Variants in CPQ observed in about 807,000 individuals in gnomAD.
The protein encoded by CPQ is carboxypeptidase Q, also known as Ser-Met dipeptidase.
A neutral mutation model predicts 45.7 loss-of-function variants in CPQ; 37 were observed. That is an observed-to-expected ratio of 0.81 (90% CI 0.62 to 1.07). CPQ has a LOEUF of 1.07. CPQ is among the 50% of genes least tolerant of loss of function. The pLI is 0.00. For synonymous variants in CPQ, 186 were observed against 205.8 expected, an observed-to-expected ratio of 0.90 and a Z score of 0.82; for missense variants, 537 against 572.9, an observed-to-expected ratio of 0.94 and a Z score of 0.64.
chr8:96,864,181 T>C (rs1296361227), intron 3 of CPQ, among the ~76,000 whole-genome samples: 1 of 152,008 alleles, frequency 6.6e-6, no homozygotes, highest in Non-Finnish European at 1.5e-5. Context: ...TCTCACTTCC[T>C]AACTGGCTTA....
rs78076068 is a variant in CPQ, at chr8:97,137,154, C to T, written c.1256-5866C>T. Among the ~76,000 whole-genome samples the T allele has an allele frequency of 2.0e-5, 3 of 152,230 alleles. No homozygotes were observed. The East Asian group carries it at 5.8e-4, about 29-fold the overall frequency. On this transcript the variant is annotated intron_variant, in intron 7 of 7. Transcript: ENST00000220763. ...ACTTAGATGATATCTGAGGAAATGC[C>T]TTCTTCAAGTCACTAGTTCTAAAGG...
At chr8:96,672,670 C>T (rs532137038) in intron 1 of CPQ, among the ~76,000 whole-genome samples, 53 of 151,924 alleles carry the variant, frequency 3.5e-4, no homozygotes, top group Admixed American at 1.1e-3. Flanking sequence ...CCTAGATACT[C>T]TGGAGGCTGA....
intron 1 of CPQ, among the ~76,000 whole-genome samples, chr8:96,664,040 G>A (rs532635024): frequency 6.6e-6 from 1 of 152,108 alleles, no homozygotes; most frequent in African/African-American, 2.4e-5. Flanking sequence ...GAACATCGAA[G>A]GTTATTATTA....
chr8:96,656,095 C>T (rs1815634455), intron 1 of CPQ, among the ~76,000 whole-genome samples: 1 of 152,188 alleles, frequency 6.6e-6, no homozygotes, highest in Non-Finnish European at 1.5e-5. Context: ...CTCAAGTGAT[C>T]TACTTACCTT....
chr8:97,096,645 G>A (rs1198272856), intron 7 of CPQ, among the ~76,000 whole-genome samples: 2 of 152,204 alleles, frequency 1.3e-5, no homozygotes, highest in Non-Finnish European at 2.9e-5. Context: ...GAGGATTGAA[G>A]AGTGCATGAG....
chr8:96,970,929 A>G (rs1813663860), intron 5 of CPQ, among the ~76,000 whole-genome samples: 1 of 152,204 alleles, frequency 6.6e-6, no homozygotes, highest in South Asian at 2.1e-4. Context: ...AGGAACACTC[A>G]TCCTCAGGAT....
intron 3 of CPQ, among the ~76,000 whole-genome samples, chr8:96,872,093 G>C (rs1812077868): frequency 6.6e-6 from 1 of 151,812 alleles, no homozygotes; most frequent in African/African-American, 2.4e-5. Flanking sequence ...AAATACTTGG[G>C]ATCAGAAATG....
chr8:96,719,168 A>C (rs1245263085), intron 1 of CPQ, among the ~76,000 whole-genome samples: 1 of 152,184 alleles, frequency 6.6e-6, no homozygotes, highest in Non-Finnish European at 1.5e-5. Flanking sequence ...CAGGCCACAC[A>C]GGAGCCCATG....
At chr8:96,952,508 A>G (rs1337558701) in intron 4 of CPQ, among the ~76,000 whole-genome samples, 2 of 152,154 alleles carry the variant, frequency 1.3e-5, no homozygotes, top group Non-Finnish European at 2.9e-5. Context: ...TATATAACAT[A>G]CAAAAAAATG....
Position 96,748,319 on chromosome 8 carries a change from C to T in CPQ, c.-34-36545C>T, listed in dbSNP as rs1035177913. On this transcript the variant is annotated intron_variant, in intron 1 of 7. Transcript: ENST00000220763. ...TAATTTCTCAGCATGGCTTACTAGACCTTTCCAAGTATTATTTATCTTTGT... is the reference window on the plus strand; with the variant it reads ...TAATTTCTCAGCATGGCTTACTAGATCTTTCCAAGTATTATTTATCTTTGT... Among the ~76,000 whole-genome samples, 68 of 152,146 alleles carry T rather than the reference C, an allele frequency of 4.5e-4. 1 individual carries two copies. The highest frequency in any genetic ancestry group is 1.6e-3 in the African/African-American group (66 of 41,526).
intron 1 of CPQ, among the ~76,000 whole-genome samples, chr8:96,774,372 CAG>C (rs1482266016): frequency 6.6e-6 from 1 of 151,968 alleles, no homozygotes; most frequent in African/African-American, 2.4e-5. Context: ...AGTGGGGAAA[CAG>C]ATGTTTTAAG....
chr8:97,064,044 T>G (rs1810596509), intron 6 of CPQ, among the ~76,000 whole-genome samples: 1 of 152,178 alleles, frequency 6.6e-6, no homozygotes. Context: ...AATCTGTAAA[T>G]TGCTTTGGGC....
At chr8:96,756,574 G>T (rs1253001567) in intron 1 of CPQ, among the ~76,000 whole-genome samples, 1 of 152,054 alleles carries the variant, frequency 6.6e-6, no homozygotes, top group Non-Finnish European at 1.5e-5. Context: ...CCTTTAAGGA[G>T]AATTTTCTAA....
intron 4 of CPQ, among the ~76,000 whole-genome samples, chr8:96,880,246 A>G (rs1455653414): frequency 6.6e-6 from 1 of 152,038 alleles, no homozygotes; most frequent in Non-Finnish European, 1.5e-5. Flanking sequence ...GGTTGTGGAG[A>G]AAAAGGAACA....
chr8:96,825,759 G>T (rs1381402908), intron 2 of CPQ, among the ~76,000 whole-genome samples: 1 of 151,914 alleles, frequency 6.6e-6, no homozygotes, highest in Admixed American at 6.6e-5. Context: ...TGTTACAGTA[G>T]TTTCACTCAA....
chr8:96,867,867 TG>T (rs1329057102), intron 3 of CPQ, among the ~76,000 whole-genome samples: 2 of 152,152 alleles, frequency 1.3e-5, no homozygotes, highest in East Asian at 3.9e-4. Context: ...GTATTCATGT[TG>T]ATCTCCTTTC....
intron 1 of CPQ, among the ~76,000 whole-genome samples, chr8:96,771,062 G>A (rs1001905969): frequency 6.8e-6 from 1 of 146,276 alleles, no homozygotes; most frequent in Admixed American, 6.8e-5. Flanking sequence ...GATTATTGTG[G>A]TAGTTCAGGT....
chr8:97,031,331 C>T (rs562668122), intron 6 of CPQ, among the ~76,000 whole-genome samples: 17 of 151,826 alleles, frequency 1.1e-4, no homozygotes, highest in African/African-American at 2.2e-4. Context: ...GGACTCCAGG[C>T]GTGTGCCACC....
chr8:97,031,332 G>C (rs576211741), intron 6 of CPQ, among the ~76,000 whole-genome samples: 1 of 151,784 alleles, frequency 6.6e-6, no homozygotes, highest in Non-Finnish European at 1.5e-5. Context: ...GACTCCAGGC[G>C]TGTGCCACCA....
Sources: allele counts gnomAD v4.1 joint callset (sites outside exome capture counted in the v4.1 genomes callset), GRCh38; gene constraint gnomAD v4.1.1; transcripts MANE v1.5; gene names NCBI Gene and HGNC (gene_info 2026-07-23, HGNC 2026-07-21).